Variants in CEP63 observed in about 807,000 individuals in gnomAD.
The protein encoded by CEP63 is centrosomal protein of 63 kDa.
Under a neutral mutation model 89.1 loss-of-function variants are expected in CEP63, and 84 were observed. The observed-to-expected ratio is 0.94, with a 90% CI of 0.79 to 1.13. CEP63 has a LOEUF of 1.13. Among genes scored for constraint, CEP63 ranks in the 50% most tolerant of loss-of-function variants. CEP63 has a pLI of 0.00. For missense variants in CEP63, 838 were observed against 813.3 expected (o/e 1.03, Z -0.37); for synonymous variants, 267 against 272.5 (o/e 0.98, Z 0.20).
chr3:134,674,486 T>G, the CEP63 span, among the ~76,000 whole-genome samples: 49 of 152,294 alleles, frequency 3.2e-4, 1 homozygote, highest in African/African-American at 1.2e-3. Flanking sequence ...CAACATAAAC[T>G]TAATGGTAAA....
At chr3:134,738,892 C>T in the CEP63 span, among the ~76,000 whole-genome samples, 3 of 151,706 alleles carry the variant, frequency 2.0e-5, no homozygotes, top group Non-Finnish European at 4.4e-5. Context: ...AAAAGATGCT[C>T]AACATCATTA....
At chr3:134,711,418 C>T in the CEP63 span, among the ~76,000 whole-genome samples, 42 of 152,250 alleles carry the variant, frequency 2.8e-4, no homozygotes, top group African/African-American at 8.7e-4. Context: ...CCCTTCAGGC[C>T]TTCTGCATAC....
chr3:134,654,798 A>G, the CEP63 span, among the ~76,000 whole-genome samples: 1 of 152,056 alleles, frequency 6.6e-6, no homozygotes, highest in Non-Finnish European at 1.5e-5. Flanking sequence ...GCGGGTATAG[A>G]AGGAACTGGA....
chr3:134,603,020 T>C, the CEP63 span: 1 of 152,218 alleles, frequency 6.6e-6, no homozygotes, highest in Non-Finnish European at 1.5e-5. Flanking sequence ...AAGTAGCTAA[T>C]GAAGAGGCAG....
At chr3:134,742,007 T>C in the CEP63 span, among the ~76,000 whole-genome samples, 2 of 152,116 alleles carry the variant, frequency 1.3e-5, no homozygotes, top group Non-Finnish European at 2.9e-5. Flanking sequence ...TGTGTGTGTG[T>C]GTGTGTGCAC....
chr3:134,586,541 G>A (rs1436818317), intron 10 of CEP63, among the ~76,000 whole-genome samples: 1 of 152,198 alleles, frequency 6.6e-6, no homozygotes, highest in Admixed American at 6.5e-5. Flanking sequence ...CTGGCTTGTA[G>A]GGTTTTTGCT....
At chr3:134,689,311 T>C in the CEP63 span, among the ~76,000 whole-genome samples, 1 of 152,082 alleles carries the variant, frequency 6.6e-6, no homozygotes, top group Admixed American at 6.5e-5. Context: ...TGTACGTAGC[T>C]GAATACAGAT....
intron 6 of CEP63, among the ~76,000 whole-genome samples, chr3:134,539,538 G>C (rs1022268859): frequency 2.6e-5 from 4 of 151,996 alleles, no homozygotes; most frequent in Admixed American, 2.6e-4. Context: ...CATTTCTCCA[G>C]TTGTCCAGAA....
the CEP63 span, chr3:134,629,753 C>T: frequency 1.0e-6 from 1 of 999,540 alleles, no homozygotes. Flanking sequence ...AGGGTGAATG[C>T]CTCATGACTG....
the CEP63 span, chr3:134,610,288 C>G: frequency 6.2e-7 from 1 of 1,613,882 alleles, no homozygotes; most frequent in Non-Finnish European, 8.5e-7. Context: ...CACAGCATTC[C>G]AGGCATGGTC....
At chr3:134,641,517 A>T in the CEP63 span, among the ~76,000 whole-genome samples, 2 of 152,186 alleles carry the variant, frequency 1.3e-5, no homozygotes, top group Non-Finnish European at 2.9e-5. Context: ...CTCTAGCAGC[A>T]GGAAGAGGCA....
chr3:134,748,460 G>A, the CEP63 span, among the ~76,000 whole-genome samples: 8 of 151,868 alleles, frequency 5.3e-5, no homozygotes, highest in Admixed American at 2.0e-4. Context: ...CTAGAAAGTA[G>A]TAGAACTAGA....
At chr3:134,758,376 C>A in the CEP63 span, among the ~76,000 whole-genome samples, 1 of 152,190 alleles carries the variant, frequency 6.6e-6, no homozygotes, top group Non-Finnish European at 1.5e-5. Context: ...ATGCCTGGCA[C>A]AAAGACAGCC....
rs138354332 is a variant in CEP63, at chr3:134,538,531, G to GTATATATATATATATATATA, written c.555+1264_555+1265insATATATATATATATATATAT. Among the ~76,000 whole-genome samples the GTATATATATATATATATATA allele has an allele frequency of 1.3e-4, 13 of 99,670 alleles. 2 individuals are homozygous for GTATATATATATATATATATA. Among genetic ancestry groups the GTATATATATATATATATATA allele is most frequent in the East Asian group, 8.0e-4 (2 of 2,486 alleles). 65.4% of individuals were successfully genotyped at this position (99,670 alleles called of 152,430 possible). ...AGACCTAATAAGAAATTGTGTGTGTGTGTATATATATATATATATATATGT... is the reference window on the plus strand; with the variant it reads ...AGACCTAATAAGAAATTGTGTGTGTGTATATATATATATATATATATGTATATATATATATATATATATGT... On this transcript the variant is annotated intron_variant, in intron 6 of 14. Coordinates refer to ENST00000675561, the MANE Select transcript of CEP63 (RefSeq NM_001353108.3).
the CEP63 span, among the ~76,000 whole-genome samples, chr3:134,731,904 G>T: frequency 6.6e-6 from 1 of 152,154 alleles, no homozygotes; most frequent in African/African-American, 2.4e-5. Context: ...ACTGAACACA[G>T]ATCTGGAACA....
the CEP63 span, among the ~76,000 whole-genome samples, chr3:134,696,381 T>C: frequency 6.6e-6 from 1 of 152,202 alleles, no homozygotes; most frequent in Non-Finnish European, 1.5e-5. Flanking sequence ...TCCTGCAAAA[T>C]GTCTCAGGGC....
chr3:134,726,455 GACAGACACACACACAC>G, the CEP63 span, among the ~76,000 whole-genome samples: 11 of 51,116 alleles, frequency 2.2e-4, no homozygotes, highest in African/African-American at 4.1e-4. Flanking sequence ...CAGGCACACA[GACAGACACACACACAC>G]ACACACACAC....
intron 6 of CEP63, among the ~76,000 whole-genome samples, chr3:134,538,688 G>GA (rs774618055): frequency 1.4e-4 from 21 of 151,104 alleles, no homozygotes; most frequent in Non-Finnish European, 2.8e-4. Context: ...AAAGTGCTGG[G>GA]ATTACAGGTG....
chr3:134,632,198 T>C, the CEP63 span, among the ~76,000 whole-genome samples: 3 of 152,052 alleles, frequency 2.0e-5, no homozygotes, highest in South Asian at 2.1e-4. Context: ...CTTTCAGTCA[T>C]TGAGAGAATT....
Sources: allele counts gnomAD v4.1 joint callset (sites outside exome capture counted in the v4.1 genomes callset), GRCh38; gene constraint gnomAD v4.1.1; transcripts MANE v1.5; gene names NCBI Gene and HGNC (gene_info 2026-07-23, HGNC 2026-07-21).